The following PLD5 variants were observed in gnomAD, a reference collection of about 807,000 sequenced individuals.
PLD5 encodes phospholipase D family member 5.
PLD5 carries 36 observed loss-of-function variants against 61.1 expected under a neutral mutation model. The ratio of observed to expected loss-of-function variants is 0.59; its 90% CI spans 0.45 to 0.78. The LOEUF is 0.78. PLD5 is among the 30% of genes least tolerant of loss of function. The pLI is 0.00. For synonymous variants in PLD5, 243 were observed against 242.8 expected, an observed-to-expected ratio of 1.00 and a Z score of -0.01; for missense variants, 515 against 644.4, an observed-to-expected ratio of 0.80 and a Z score of 2.17.
chr1:242,196,696 C>T (rs962054709), intron 5 of PLD5, among the ~76,000 whole-genome samples: 24 of 151,758 alleles, frequency 1.6e-4, no homozygotes, highest in Admixed American at 2.0e-4. Context: ...ACACTGTACA[C>T]TAACAAAGAA....
rs189609316 is a variant in PLD5, at chr1:242,420,160, T to C, written c.190-71918A>G. Among the ~76,000 whole-genome samples, 689 of 152,314 alleles carry C rather than the reference T, an allele frequency of 4.5e-3. 3 individuals carry two copies. The highest frequency in any genetic ancestry group is 0.02 in the Middle Eastern group (6 of 294). On this transcript the variant is annotated intron_variant, in intron 1 of 9. Coordinates refer to ENST00000536534, the MANE Select transcript of PLD5 (RefSeq NM_001372062.1). ...CACCATTCCAAATGGTTTATGTACA[T>C]GATCTTATTAATACTCAGAAAGCTT...
chr1:242,126,661 A>G (rs1431245674), intron 5 of PLD5, among the ~76,000 whole-genome samples: 1 of 152,210 alleles, frequency 6.6e-6, no homozygotes, highest in Non-Finnish European at 1.5e-5. Flanking sequence ...AAATCAACTC[A>G]AGGTGGGTCA....
chr1:242,096,579 T>C (rs1660248080), intron 9 of PLD5, among the ~76,000 whole-genome samples: 1 of 151,800 alleles, frequency 6.6e-6, no homozygotes, highest in African/African-American at 2.4e-5. Context: ...TGGCCTCAGG[T>C]GATCCACCTG....
intron 5 of PLD5, among the ~76,000 whole-genome samples, chr1:242,180,399 T>C (rs1352600028): frequency 2.0e-5 from 3 of 152,150 alleles, no homozygotes; most frequent in African/African-American, 7.2e-5. Flanking sequence ...TGTTTAATAA[T>C]AGAATATCCT....
chr1:242,298,228 G>A (rs1439345308), intron 2 of PLD5, among the ~76,000 whole-genome samples: 4 of 152,170 alleles, frequency 2.6e-5, no homozygotes, highest in Non-Finnish European at 4.4e-5. Context: ...GCAGATGAAC[G>A]CCTCATTATT....
chr1:242,529,363 A>G (rs1008460030), upstream of PLD5, among the ~76,000 whole-genome samples: 5 of 152,162 alleles, frequency 3.3e-5, no homozygotes, highest in African/African-American at 1.2e-4. Flanking sequence ...AAAGATTCTC[A>G]TTGTTTGACC....
At chr1:242,128,208 G>C (rs1405667935) in intron 5 of PLD5, among the ~76,000 whole-genome samples, 1 of 152,122 alleles carries the variant, frequency 6.6e-6, no homozygotes, top group Non-Finnish European at 1.5e-5. Flanking sequence ...GGTCAGCTGA[G>C]GTGGGAGGAT....
intron 1 of PLD5, among the ~76,000 whole-genome samples, chr1:242,435,608 G>A (rs1477082350): frequency 6.6e-6 from 1 of 152,084 alleles, no homozygotes; most frequent in Non-Finnish European, 1.5e-5. Flanking sequence ...CAAATAAAGT[G>A]TCTTTAAACA....
chr1:242,363,335 G>A (rs1661172648), intron 1 of PLD5, among the ~76,000 whole-genome samples: 1 of 151,088 alleles, frequency 6.6e-6, no homozygotes, highest in African/African-American at 2.4e-5. Flanking sequence ...GGCTGCTTTG[G>A]TCTCTCCTTA....
In PLD5 at chr1:242,087,540, C is replaced by G. The variant is rs973917675; in HGVS notation, c.*2314G>C. On this transcript the variant is annotated 3_prime_UTR_variant, in exon 10 of 10. Transcript: ENST00000536534. ...TGTCCTTTTTAAAACCAACTCAGGTCGCTTTTGTTTGTCTGAGTGTGAACT... is the reference window on the plus strand; with the variant it reads ...TGTCCTTTTTAAAACCAACTCAGGTGGCTTTTGTTTGTCTGAGTGTGAACT... 9 of 151,874 alleles carry G rather than the reference C, an allele frequency of 5.9e-5. No individual in the cohort carries two copies. The highest frequency in any genetic ancestry group is 2.2e-4 in the African/African-American group (9 of 41,336). 9.4% of individuals were successfully genotyped at this position (151,874 alleles called of 1,614,324 possible).
chr1:242,165,825 G>A (rs947985211), intron 5 of PLD5, among the ~76,000 whole-genome samples: 7 of 152,086 alleles, frequency 4.6e-5, no homozygotes, highest in South Asian at 2.1e-4. Flanking sequence ...TGGGTTCCTC[G>A]TTTTCCCAGT....
chr1:242,176,338 G>T (rs1040060182), intron 5 of PLD5, among the ~76,000 whole-genome samples: 2 of 152,160 alleles, frequency 1.3e-5, no homozygotes, highest in African/African-American at 4.8e-5. Flanking sequence ...AATGGGGAAA[G>T]GATTCCCTAT....
chr1:242,107,255 T>G (rs889378017), intron 8 of PLD5, among the ~76,000 whole-genome samples: 7 of 152,002 alleles, frequency 4.6e-5, no homozygotes, highest in African/African-American at 1.7e-4. Flanking sequence ...GTGGGCAGAT[T>G]GCTTGAGCCC....
At chr1:242,380,264 A>G (rs368870582) in intron 1 of PLD5, among the ~76,000 whole-genome samples, 1 of 152,196 alleles carries the variant, frequency 6.6e-6, no homozygotes, top group African/African-American at 2.4e-5. Flanking sequence ...GGGAGTAACA[A>G]TGTGCTCTTT....
chr1:242,438,439 CTTTTT>C (rs1171422837), intron 1 of PLD5, among the ~76,000 whole-genome samples: 1 of 120,502 alleles, frequency 8.3e-6, no homozygotes, highest in Non-Finnish European at 1.8e-5. Flanking sequence ...AATTTTTTTT[CTTTTT>C]TTTTTTTTTT....
chr1:242,525,931 G>A (rs1487225416), upstream of PLD5, among the ~76,000 whole-genome samples: 1 of 152,218 alleles, frequency 6.6e-6, no homozygotes, highest in Non-Finnish European at 1.5e-5. Flanking sequence ...CATTTTGGTT[G>A]TGCTAGGTTG....
chr1:242,182,979 T>G (rs1205931571), intron 5 of PLD5, among the ~76,000 whole-genome samples: 1 of 152,220 alleles, frequency 6.6e-6, no homozygotes, highest in African/African-American at 2.4e-5. Flanking sequence ...AGTGGAATAT[T>G]GATATAATTT....
chr1:242,494,550 G>A (rs567312145), intron 1 of PLD5, among the ~76,000 whole-genome samples: 4 of 152,032 alleles, frequency 2.6e-5, no homozygotes, highest in Non-Finnish European at 5.9e-5. Context: ...CCCGCCTCTA[G>A]CCAACATATC....
At chr1:242,512,102 C>T (rs374833988) in intron 1 of PLD5, among the ~76,000 whole-genome samples, 10 of 151,816 alleles carry the variant, frequency 6.6e-5, no homozygotes, top group East Asian at 1.9e-4. Context: ...CAAGGCTGGC[C>T]GGCCTTTAAG....
Sources: allele counts gnomAD v4.1 joint callset (sites outside exome capture counted in the v4.1 genomes callset), GRCh38; gene constraint gnomAD v4.1.1; transcripts MANE v1.5; gene names NCBI Gene and HGNC (gene_info 2026-07-23, HGNC 2026-07-21).